The following AP3B2 variants were observed in gnomAD, a reference collection of about 807,000 sequenced individuals.
AP3B2 encodes the protein adaptor related protein complex 3 subunit beta 2.
In AP3B2, 50 loss-of-function variants were observed where a neutral mutation model predicts 126.9. The ratio of observed to expected loss-of-function variants is 0.39; its 90% CI spans 0.31 to 0.50. The LOEUF (loss-of-function observed/expected upper bound fraction) is 0.50, where lower values mean the gene tolerates loss of function less well. Among genes scored for constraint, AP3B2 ranks in the 20% least tolerant of loss-of-function variants. The pLI, the probability that AP3B2 is intolerant of heterozygous loss-of-function variation, is 0.79. For synonymous variants in AP3B2, 541 were observed against 565.0 expected (o/e 0.96, Z 0.60); for missense variants, 1,177 against 1,426.4 (o/e 0.83, Z 2.82).
At chr15:82,690,278 A>G (rs2048504596) in intron 1 of AP3B2, among the ~76,000 whole-genome samples, 2 of 151,684 alleles carry the variant, frequency 1.3e-5, no homozygotes, top group South Asian at 4.2e-4. Context: ...TATACTTTTA[A>G]GTTCTAGGGT....
Position 82,680,370 on chromosome 15 carries a change from G to A in AP3B2, c.1055+102C>T, listed in dbSNP as rs1162489546. 7 of 1,475,228 alleles carry A rather than the reference G, an allele frequency of 4.7e-6. No homozygotes were observed. The East Asian group carries it at 1.7e-4, about 36-fold the overall frequency. The allele number at this position is 1,475,228 out of a possible 1,614,324, so 91.4% of individuals were successfully genotyped here. ...ACTACGGTCAGTGTGGAGCGGGTGG[G>A]CAGAGGTGGAAGCGGCTGGTGGGCG... is the stretch of plus-strand genomic sequence containing the variant. On this transcript the variant is annotated intron_variant, in intron 8 of 26. Transcript: ENST00000535359. This position sits in a 1 kb window ranked among gnomAD's most constrained non-coding sequence, Gnocchi z 6.1.
intron 1 of AP3B2, chr15:82,689,811 C>T (rs2048493478): frequency 1.7e-5 from 4 of 241,162 alleles, no homozygotes; most frequent in Non-Finnish European, 3.3e-5. Flanking sequence ...CATAAGAAGA[C>T]AGCCATGTGG....
rs551249506 is a variant in AP3B2 at position 82,689,525 on chromosome 15, C to G, written c.114-72G>C. ...GGGGTATTAATCAGGAGGGTCCAGG[C>G]ACAAAGAAGGGACATGGCCAGGGGA... On this transcript the variant is annotated intron_variant, in intron 1 of 26. Transcript: ENST00000535359. The G allele has an allele frequency of 4.4e-5, 65 of 1,463,022 alleles. No homozygotes were observed. In the Middle Eastern group the frequency reaches 8.6e-4, roughly 19 times the overall value. The allele number at this position is 1,463,022 out of a possible 1,614,324, so 90.6% of individuals were successfully genotyped here.
intron 14 of AP3B2, among the ~76,000 whole-genome samples, chr15:82,672,496 A>T (rs781036929): frequency 7.9e-5 from 12 of 152,140 alleles, no homozygotes; most frequent in South Asian, 2.1e-4. Context: ...GGGATAGTTA[A>T]TGGGTACAAA....
Position 82,681,279 on chromosome 15 carries a change from C to T in AP3B2, c.522-101G>A. On this transcript the variant is annotated intron_variant, in intron 5 of 26. Coordinates refer to ENST00000535359, the MANE Select transcript of AP3B2 (RefSeq NM_001278512.2). The surrounding 1 kb of genome is among the most constrained non-coding windows in gnomAD (Gnocchi z 4.0). ...CCTCCTGCACCCCAGCCTTATTGTTCTCCTCCATCTCTGTCAGTCCCCCAA... is the reference window on the plus strand; with the variant it reads ...CCTCCTGCACCCCAGCCTTATTGTTTTCCTCCATCTCTGTCAGTCCCCCAA... 2 of 1,517,218 alleles carry T rather than the reference C, an allele frequency of 1.3e-6. No homozygotes were observed. Among genetic ancestry groups the T allele is most frequent in the South Asian group, 1.2e-5 (1 of 82,134 alleles). The allele number at this position is 1,517,218 out of a possible 1,614,324, so 94.0% of individuals were successfully genotyped here.
At chr15:82,694,140 A>C (rs2048595766) in intron 1 of AP3B2, among the ~76,000 whole-genome samples, 1 of 151,966 alleles carries the variant, frequency 6.6e-6, no homozygotes, top group African/African-American at 2.4e-5. Flanking sequence ...AATAGCTGAG[A>C]TTACAGGTGT....
Position 82,666,830 on chromosome 15 carries a change from T to C in AP3B2, c.1769A>G (p.Glu590Gly). Residue 590 changes from glutamate to glycine, a missense_variant, in exon 15 of 27, where the codon GAG becomes GGG. Coordinates refer to ENST00000535359, the MANE Select transcript of AP3B2 (RefSeq NM_001278512.2). ...RFTRQLIVPS[E>G]QGGALSRHAK... ...ATGGCGGCTGAGGGCCCCACCCTGCTCGGAAGGGACGATGAGCTGCCGGGT... is the reference window on the plus strand; with the variant it reads ...ATGGCGGCTGAGGGCCCCACCCTGCCCGGAAGGGACGATGAGCTGCCGGGT... 1 of 1,613,958 alleles carries C rather than the reference T, an allele frequency of 6.2e-7. No individual in the cohort carries two copies. The highest frequency in any genetic ancestry group is 8.5e-7 in the Non-Finnish European group (1 of 1,179,876).
intron 21 of AP3B2, 97 bp downstream of exon 21, chr15:82,663,463 C>A: frequency 7.1e-7 from 1 of 1,398,944 alleles, no homozygotes; most frequent in East Asian, 2.3e-5. Flanking sequence ...CCTGCTCCCA[C>A]AAGACCTGAG....
intron 14 of AP3B2, among the ~76,000 whole-genome samples, chr15:82,671,819 A>G (rs7183881): frequency 0.58 from 87,392 of 151,566 alleles, 25,318 homozygotes; most frequent in Non-Finnish European, 0.62. Flanking sequence ...CGAGTCGGGC[A>G]GATCACTTGC....
At chr15:82,701,336 A>C (rs1228090402) in intron 1 of AP3B2, among the ~76,000 whole-genome samples, 1 of 152,082 alleles carries the variant, frequency 6.6e-6, no homozygotes, top group Non-Finnish European at 1.5e-5. Context: ...GCTCCTTCCC[A>C]TCAGCAGTTA....
At position 82,681,373 on chromosome 15, in the gene AP3B2, C is replaced by A. The variant is rs751201827; in HGVS notation, c.521+47G>T. 1 of 1,605,250 alleles carries A rather than the reference C, an allele frequency of 6.2e-7. No homozygotes were observed. Among genetic ancestry groups the A allele is most frequent in the Non-Finnish European group, 8.5e-7 (1 of 1,175,176 alleles). On this transcript the variant is annotated intron_variant, in intron 5 of 26. Coordinates refer to ENST00000535359, the MANE Select transcript of AP3B2 (RefSeq NM_001278512.2). This position sits in a 1 kb window ranked among gnomAD's most constrained non-coding sequence, Gnocchi z 4.0. ...GGAAAGGCCAGGGGTGGGTTGAGAA[C>A]TTAGGAACCAGCCTCCTGGGGAGCG...
At position 82,663,811 on chromosome 15, in the gene AP3B2, C is replaced by A; in HGVS notation, c.2426G>T (p.Ser809Ile). 3 of 1,612,768 alleles carry A rather than the reference C, an allele frequency of 1.9e-6. No individual in the cohort carries two copies. The highest frequency in any genetic ancestry group is 1.7e-5 in the Admixed American group (1 of 59,912). Reference protein sequence around the residue: ...EEEQLEPASWSRKTPPSSKSA... With the variant: ...EEEQLEPASWIRKTPPSSKSA... ...CCCCAAGGCTCTCACTGTTTTCCTG[C>A]TCCAGGAGGCAGGTTCTAACTGCTC... Residue 809 changes from serine (S) to isoleucine (I), a missense_variant, in exon 20 of 27, where the codon AGC becomes ATC. Transcript: ENST00000535359.
intron 10 of AP3B2, among the ~76,000 whole-genome samples, chr15:82,678,799 G>A (rs550150847): frequency 6.0e-4 from 92 of 152,302 alleles, no homozygotes; most frequent in African/African-American, 2.1e-3. Context: ...ACTGCTTAAT[G>A]TCTCCTCCTC....
At chr15:82,688,347 C>T in intron 4 of AP3B2, 1 of 689,156 alleles carries the variant, frequency 1.5e-6, no homozygotes, top group Non-Finnish European at 2.7e-6. Context: ...ATTCAGGCCA[C>T]TGCTAAAGGT....
chr15:82,692,903 T>A (rs1400915635), intron 1 of AP3B2: 1 of 151,796 alleles, frequency 6.6e-6, no homozygotes, highest in East Asian at 1.9e-4. Flanking sequence ...TCATACTTCA[T>A]TTCAAAAATT....
At chr15:82,677,851 G>A (rs987576539) in intron 11 of AP3B2, 48 bp from the exon 12 acceptor site, 11 of 1,542,378 alleles carry the variant, frequency 7.1e-6, no homozygotes, top group Non-Finnish European at 9.6e-6. Context: ...CAGGCTTGAG[G>A]GTGACCTTCA....
At chr15:82,677,868 C>CTG (rs2048269399) in intron 11 of AP3B2, 65 bp from the exon 12 acceptor site, 1 of 1,517,782 alleles carries the variant, frequency 6.6e-7, no homozygotes, top group Non-Finnish European at 8.8e-7. Flanking sequence ...TTCAAGAAGG[C>CTG]TGTGGCCTTT....
intron 22 of AP3B2, 42 bp downstream of exon 22, chr15:82,663,085 G>C: frequency 2.6e-6 from 4 of 1,541,134 alleles, no homozygotes; most frequent in Non-Finnish European, 3.5e-6. Context: ...GCACAGGGAT[G>C]TGTCCCTGCC....
rs994795111 is a variant in AP3B2, at chr15:82,664,016, A to G, written c.2262-41T>C. On this transcript the variant is annotated intron_variant, in intron 19 of 26. Transcript: ENST00000535359. The surrounding 1 kb of genome is among the most constrained non-coding windows in gnomAD (Gnocchi z 4.5). ...AGGTTGGCTCAGGCCTGGCCTGGAC[A>G]CTCCCTCCTTGCTTCACAGAAGCAG... is the stretch of plus-strand genomic sequence containing the variant. The G allele has an allele frequency of 1.9e-6, 3 of 1,572,810 alleles. No homozygotes were observed. The highest frequency in any genetic ancestry group is 1.7e-6 in the Non-Finnish European group (2 of 1,164,018).
Sources: gnomAD v4.1 joint callset for allele counts (sites outside exome capture counted in the v4.1 genomes callset) on GRCh38, gnomAD v4.1.1 for gene constraint, Gnocchi (gnomAD v3.1) non-coding constraint, MANE v1.5 for transcripts, NCBI Gene and HGNC (gene_info 2026-07-23, HGNC 2026-07-21) for gene names.